Variants in TMEM117 observed in about 807,000 individuals in gnomAD.
TMEM117 encodes the protein transmembrane protein 117.
TMEM117 carries 27 observed loss-of-function variants against 52.4 expected under a neutral mutation model. That is an observed-to-expected ratio of 0.51 (90% CI 0.38 to 0.71). The LOEUF is 0.71. Among genes scored for constraint, TMEM117 ranks in the 30% least tolerant of loss-of-function variants. The probability of loss-of-function intolerance (pLI) is 0.00; values close to 1 mark genes in which losing one functional copy is unlikely to be tolerated. For synonymous variants in TMEM117, 215 were observed against 206.3 expected (o/e 1.04, Z -0.36); for missense variants, 556 against 630.5 (o/e 0.88, Z 1.26).
intron 3 of TMEM117, among the ~76,000 whole-genome samples, chr12:43,945,413 C>T (rs11182341): frequency 0.17 from 25,217 of 152,154 alleles, 3,150 homozygotes; most frequent in African/African-American, 0.34. Context: ...CTCTGCCTCC[C>T]GGGTTCCAGC....
At chr12:44,142,929 T>C (rs1948590920) in intron 3 of TMEM117, among the ~76,000 whole-genome samples, 1 of 152,192 alleles carries the variant, frequency 6.6e-6, no homozygotes, top group South Asian at 2.1e-4. Context: ...GAATTAGCTA[T>C]ACAAAAAGTA....
At chr12:43,986,620 A>G (rs759410637) in intron 3 of TMEM117, among the ~76,000 whole-genome samples, 1 of 152,176 alleles carries the variant, frequency 6.6e-6, no homozygotes, top group Non-Finnish European at 1.5e-5. Flanking sequence ...TTTAGAATCA[A>G]TATCTTTCAG....
intron 5 of TMEM117, among the ~76,000 whole-genome samples, chr12:44,295,328 C>T (rs569949881): frequency 2.6e-5 from 4 of 152,182 alleles, no homozygotes; most frequent in African/African-American, 9.6e-5. Flanking sequence ...CTCAGCCTCC[C>T]GAGTAGCTGG....
At chr12:43,906,037 A>T (rs1343746993) in intron 2 of TMEM117, among the ~76,000 whole-genome samples, 2 of 152,186 alleles carry the variant, frequency 1.3e-5, no homozygotes, top group Non-Finnish European at 2.9e-5. Context: ...TGCTGTCAAT[A>T]ATTTTCTACC....
rs550321865 is a variant in TMEM117, at chr12:44,229,474, G to C, written c.608+18087G>C. On this transcript the variant is annotated intron_variant, in intron 5 of 7. Transcript: ENST00000266534. ...CAGTTCCACAGTAGCTGCCAGAGGG[G>C]AACATGTGCTCATGGGGTCCAGGTA... is the stretch of plus-strand genomic sequence containing the variant. Among the ~76,000 whole-genome samples the C allele has an allele frequency of 7.9e-5, 12 of 152,166 alleles. No homozygotes were observed. In the South Asian group the frequency reaches 2.5e-3, roughly 32 times the overall value.
At chr12:43,988,864 C>T (rs371038692) in intron 3 of TMEM117, among the ~76,000 whole-genome samples, 76 of 152,146 alleles carry the variant, frequency 5.0e-4, no homozygotes, top group Admixed American at 1.2e-3. Flanking sequence ...AAACATAATA[C>T]GTAAATAAGA....
chr12:43,804,288 T>C, the TMEM117 span: 1 of 561,092 alleles, frequency 1.8e-6, no homozygotes, highest in Non-Finnish European at 3.3e-6. Context: ...AAAAAACATC[T>C]TTCTGTTTCC....
intron 4 of TMEM117, among the ~76,000 whole-genome samples, chr12:44,199,327 A>G (rs968887548): frequency 2.0e-5 from 3 of 152,194 alleles, no homozygotes; most frequent in African/African-American, 7.2e-5. Flanking sequence ...ATGAACCACC[A>G]TAGGAAATTT....
intron 3 of TMEM117, among the ~76,000 whole-genome samples, chr12:44,028,357 C>T (rs185073488): frequency 1.3e-5 from 2 of 152,268 alleles, no homozygotes; most frequent in African/African-American, 2.4e-5. Context: ...TGAACCAGAG[C>T]AATTCCATCT....
intron 3 of TMEM117, 122 bp downstream of exon 3, chr12:43,944,464 G>T: frequency 1.1e-6 from 1 of 930,784 alleles, no homozygotes; most frequent in Non-Finnish European, 1.6e-6. Flanking sequence ...CTAAGAAGAA[G>T]GAGTATTTTA....
chr12:44,273,072 G>A (rs1024002919), intron 5 of TMEM117, among the ~76,000 whole-genome samples: 1 of 152,046 alleles, frequency 6.6e-6, no homozygotes, highest in Admixed American at 6.6e-5. Context: ...TCCTTTGTAG[G>A]GACATGGATG....
At chr12:44,257,445 C>T (rs1039761002) in intron 5 of TMEM117, among the ~76,000 whole-genome samples, 2 of 152,088 alleles carry the variant, frequency 1.3e-5, no homozygotes, top group South Asian at 2.1e-4. Context: ...TTAGCCATCT[C>T]CAGTAGAGGA....
At chr12:44,095,695 G>T (rs1484887271) in intron 3 of TMEM117, among the ~76,000 whole-genome samples, 4 of 152,034 alleles carry the variant, frequency 2.6e-5, no homozygotes, top group Non-Finnish European at 5.9e-5. Flanking sequence ...TCATTTTCAT[G>T]ACTCAAAGAT....
intron 5 of TMEM117, among the ~76,000 whole-genome samples, chr12:44,293,822 T>A (rs903910774): frequency 6.6e-6 from 1 of 152,182 alleles, no homozygotes. Context: ...TACTCTAAAG[T>A]TAACAAGTGG....
chr12:43,928,886 T>C (rs1173788188), intron 2 of TMEM117, among the ~76,000 whole-genome samples: 1 of 151,944 alleles, frequency 6.6e-6, no homozygotes, highest in African/African-American at 2.4e-5. Flanking sequence ...AGAATAATGA[T>C]TTCCAATTTC....
chr12:44,177,604 G>T (rs945327298), intron 4 of TMEM117, among the ~76,000 whole-genome samples: 2 of 151,994 alleles, frequency 1.3e-5, no homozygotes, highest in African/African-American at 4.8e-5. Context: ...TTAGATTTTT[G>T]TCTCATTCTA....
chr12:43,990,122 T>TA (rs1433215892), intron 3 of TMEM117, among the ~76,000 whole-genome samples: 12 of 152,168 alleles, frequency 7.9e-5, no homozygotes, highest in Admixed American at 7.2e-4. Flanking sequence ...AAAATTGATT[T>TA]AAAAAACTCT....
chr12:44,373,839 T>C (rs1951900124), intron 6 of TMEM117, among the ~76,000 whole-genome samples: 1 of 125,174 alleles, frequency 8.0e-6, no homozygotes, highest in Non-Finnish European at 1.6e-5. Flanking sequence ...TGGAGTACAG[T>C]GGTGCGATCT....
At chr12:44,147,557 A>G (rs910130445) in intron 4 of TMEM117, among the ~76,000 whole-genome samples, 21 of 152,104 alleles carry the variant, frequency 1.4e-4, no homozygotes, top group Non-Finnish European at 2.6e-4. Flanking sequence ...ATGACTCACA[A>G]TAGAACCAGG....
Sources: allele counts gnomAD v4.1 joint callset (sites outside exome capture counted in the v4.1 genomes callset), GRCh38; gene constraint gnomAD v4.1.1; transcripts MANE v1.5; gene names NCBI Gene and HGNC (gene_info 2026-07-23, HGNC 2026-07-21).